Variants in RERE observed in about 807,000 individuals in gnomAD.
RERE encodes the protein arginine-glutamic acid dipeptide repeats protein.
A neutral mutation model predicts 146.1 loss-of-function variants in RERE; 40 were observed. The observed-to-expected ratio is 0.27, with a 90% CI of 0.21 to 0.36. The LOEUF is 0.36. Ranked by LOEUF, RERE falls within the 10% of genes least tolerant of loss-of-function variation. The probability of loss-of-function intolerance (pLI) is 1.00; values close to 1 mark genes in which losing one functional copy is unlikely to be tolerated. For synonymous variants in RERE, 1,003 were observed against 866.0 expected (o/e 1.16, Z -2.78); for missense variants, 1,933 against 2,138.7 (o/e 0.90, Z 1.90).
At chr1:8,701,459 A>G (rs917081768) in intron 1 of RERE, among the ~76,000 whole-genome samples, 2 of 152,178 alleles carry the variant, frequency 1.3e-5, no homozygotes, top group African/African-American at 4.8e-5. Context: ...CTCTTGCCTC[A>G]ATTCATAAAT....
At chr1:8,570,616 G>A (rs1021643649) in intron 4 of RERE, among the ~76,000 whole-genome samples, 3 of 152,080 alleles carry the variant, frequency 2.0e-5, no homozygotes, top group African/African-American at 7.2e-5. Flanking sequence ...GGAATGCACT[G>A]TACACTCCTG....
Position 8,361,502 on chromosome 1 carries a change from G to C in RERE, c.2017-12C>G. The stretch of plus-strand genomic sequence containing the variant: ...GGCCTGCTGATCTCCTGGAGTCAGA[G>C]AAGGGAAGGATGGAAGTCCCAGGAG... On this transcript the variant is annotated splice_polypyrimidine_tract_variant and intron_variant, in intron 17 of 22. Coordinates refer to ENST00000400908, the MANE Select transcript of RERE (RefSeq NM_001042681.2). The C allele has an allele frequency of 6.2e-7, 1 of 1,608,112 alleles. No individual in the cohort carries two copies. The highest frequency in any genetic ancestry group is 1.3e-5 in the African/African-American group (1 of 75,044).
At chr1:8,802,567 C>A (rs1271026722) in intron 1 of RERE, among the ~76,000 whole-genome samples, 1 of 151,988 alleles carries the variant, frequency 6.6e-6, no homozygotes, top group African/African-American at 2.4e-5. Flanking sequence ...GACACACCAA[C>A]TCCTACACCA....
chr1:8,539,183 TG>T (rs935128084), intron 7 of RERE, among the ~76,000 whole-genome samples: 2 of 152,206 alleles, frequency 1.3e-5, no homozygotes, highest in Non-Finnish European at 2.9e-5. Context: ...CCAATTCCTT[TG>T]TATCTAGAGA....
intron 6 of RERE, among the ~76,000 whole-genome samples, chr1:8,542,285 T>C (rs1645809363): frequency 1.3e-5 from 2 of 152,268 alleles, no homozygotes; most frequent in African/African-American, 2.4e-5. Flanking sequence ...AAAGTTCCCA[T>C]TTCATATCAA....
intron 12 of RERE, among the ~76,000 whole-genome samples, chr1:8,398,854 G>A (rs902903143): frequency 9.2e-5 from 14 of 152,092 alleles, no homozygotes. Flanking sequence ...CAACAAACAG[G>A]TGCATCAATG....
At chr1:8,749,982 T>C (rs751358054) in intron 1 of RERE, among the ~76,000 whole-genome samples, 2 of 151,764 alleles carry the variant, frequency 1.3e-5, no homozygotes, top group Non-Finnish European at 2.9e-5. Flanking sequence ...CGAAACCTCA[T>C]CTCTACTAAA....
intron 7 of RERE, among the ~76,000 whole-genome samples, chr1:8,514,029 C>T (rs759108480): frequency 3.9e-5 from 6 of 152,190 alleles, no homozygotes; most frequent in Admixed American, 1.3e-4. Flanking sequence ...GTTCTTTATA[C>T]AGCATTTTTT....
chr1:8,363,009 G>A (rs1641650117), intron 15 of RERE, among the ~76,000 whole-genome samples, 165 bp from the exon 16 acceptor site: 1 of 152,246 alleles, frequency 6.6e-6, no homozygotes, highest in African/African-American at 2.4e-5. Flanking sequence ...CTGGCTGCAT[G>A]AAGGTCGGTG....
intron 4 of RERE, among the ~76,000 whole-genome samples, chr1:8,577,910 T>A (rs539144498): frequency 6.6e-6 from 1 of 152,068 alleles, no homozygotes; most frequent in Non-Finnish European, 1.5e-5. Flanking sequence ...CTGGCCAACA[T>A]GGCAAAACCC....
At chr1:8,410,971 T>C (rs1490420509) in intron 12 of RERE, among the ~76,000 whole-genome samples, 2 of 152,166 alleles carry the variant, frequency 1.3e-5, no homozygotes, top group Non-Finnish European at 2.9e-5. Flanking sequence ...ATTCACACTA[T>C]CTAGTTAAAC....
At chr1:8,804,456 G>A (rs1379426654) in intron 1 of RERE, among the ~76,000 whole-genome samples, 1 of 152,080 alleles carries the variant, frequency 6.6e-6, no homozygotes. Context: ...GGTATTTATG[G>A]CACAAACTGC....
intron 4 of RERE, among the ~76,000 whole-genome samples, chr1:8,610,147 A>C (rs6701331): frequency 0.6 from 91,454 of 152,092 alleles, 28,065 homozygotes; most frequent in East Asian, 0.83. Context: ...TTCAACACCT[A>C]AGCAATCTAC....
chr1:8,490,343 C>CAAAAAAAA (rs530925995), intron 10 of RERE, among the ~76,000 whole-genome samples: 1 of 75,374 alleles, frequency 1.3e-5, no homozygotes, highest in Non-Finnish European at 2.8e-5. Flanking sequence ...GGCAACATCT[C>CAAAAAAAA]AAAAAAAAAA....
intron 1 of RERE, among the ~76,000 whole-genome samples, chr1:8,701,646 A>T (rs1401710999): frequency 6.6e-6 from 1 of 152,194 alleles, no homozygotes; most frequent in African/African-American, 2.4e-5. Flanking sequence ...ATGCAACCAG[A>T]TCAAATAACA....
At chr1:8,567,032 G>A (rs193194019) in intron 4 of RERE, among the ~76,000 whole-genome samples, 3 of 152,174 alleles carry the variant, frequency 2.0e-5, no homozygotes, top group South Asian at 2.1e-4. Context: ...CTCGTGATCC[G>A]CCTGACTCGG....
chr1:8,765,476 T>C (rs1191530998), intron 1 of RERE, among the ~76,000 whole-genome samples: 3 of 152,172 alleles, frequency 2.0e-5, no homozygotes, highest in Non-Finnish European at 2.9e-5. Context: ...ACAATTTAAG[T>C]AGGTAAATTA....
chr1:8,609,242 A>G (rs1334836847), intron 4 of RERE, among the ~76,000 whole-genome samples: 2 of 152,048 alleles, frequency 1.3e-5, no homozygotes, highest in Admixed American at 1.3e-4. Flanking sequence ...AAAGGAATAA[A>G]TTAACTGACA....
rs559738406 is a variant in RERE at position 8,470,587 on chromosome 1, A to C, written c.1105-4564T>G. Among the ~76,000 whole-genome samples, 5 of 152,078 alleles carry C rather than the reference A, an allele frequency of 3.3e-5. No individual in the cohort carries two copies. In the East Asian group the frequency reaches 9.7e-4, roughly 29 times the overall value. On this transcript the variant is annotated intron_variant, in intron 10 of 22. Coordinates refer to ENST00000400908, the MANE Select transcript of RERE (RefSeq NM_001042681.2). Reference sequence around the variant, plus strand: ...TATTTCTTGAATGGATGAAGGAAGAATATTATTGCGCTATCATCAGTGTTT... The same window carrying C: ...TATTTCTTGAATGGATGAAGGAAGACTATTATTGCGCTATCATCAGTGTTT...
Sources: allele counts gnomAD v4.1 joint callset (sites outside exome capture counted in the v4.1 genomes callset), GRCh38; gene constraint gnomAD v4.1.1; transcripts MANE v1.5; gene names NCBI Gene and HGNC (gene_info 2026-07-23, HGNC 2026-07-21).